TUSC3: variants seen among roughly 807,000 people sequenced by gnomAD.
The protein encoded by TUSC3 is tumor suppressor candidate 3, also known as dolichyl-diphosphooligosaccharide--protein glycosyltransferase subunit TUSC3.
Under a neutral mutation model 44.8 loss-of-function variants are expected in TUSC3, and 45 were observed. The ratio of observed to expected loss-of-function variants is 1.00; its 90% CI spans 0.79 to 1.29. The LOEUF (loss-of-function observed/expected upper bound fraction) is 1.29. Among genes scored for constraint, TUSC3 ranks in the 50% most tolerant of loss-of-function variants. The pLI is 0.00. For synonymous variants in TUSC3, 212 were observed against 152.9 expected (o/e 1.39, Z -2.85); for missense variants, 519 against 437.9 (o/e 1.19, Z -1.65).
chr8:15,641,271 G>C (rs1178711268), intron 2 of TUSC3, among the ~76,000 whole-genome samples: 1 of 148,872 alleles, frequency 6.7e-6, no homozygotes, highest in Non-Finnish European at 1.5e-5. Context: ...TGAGGCAGGA[G>C]AATCACTTGA....
the TUSC3 span, among the ~76,000 whole-genome samples, chr8:15,844,984 T>TA: frequency 6.6e-6 from 1 of 152,076 alleles, no homozygotes. Flanking sequence ...TAAGAAAACT[T>TA]AAAAAAATAC....
chr8:15,538,347 T>C (rs1801558426), upstream of TUSC3, among the ~76,000 whole-genome samples: 1 of 152,220 alleles, frequency 6.6e-6, no homozygotes, highest in African/African-American at 2.4e-5. Flanking sequence ...AGGTGTAAAG[T>C]TTATTTTGTC....
chr8:15,538,729 T>G (rs938494499), upstream of TUSC3, among the ~76,000 whole-genome samples: 1 of 152,210 alleles, frequency 6.6e-6, no homozygotes, highest in Admixed American at 6.5e-5. Flanking sequence ...CACAGTAGTA[T>G]TATCAGTACC....
At chr8:15,821,359 ATTT>A in the TUSC3 span, among the ~76,000 whole-genome samples, 15,139 of 131,262 alleles carry the variant, frequency 0.12, 916 homozygotes, top group East Asian at 0.26. Context: ...GTATCTAGGC[ATTT>A]TTTTTTTTTT....
intron 6 of TUSC3, among the ~76,000 whole-genome samples, chr8:15,683,662 C>T (rs923979808): frequency 6.6e-6 from 1 of 152,062 alleles, no homozygotes; most frequent in South Asian, 2.1e-4. Flanking sequence ...TGGTTAGGAT[C>T]GATTGTTAGG....
chr8:15,562,146 G>A (rs565082626), intron 1 of TUSC3, among the ~76,000 whole-genome samples: 58 of 152,178 alleles, frequency 3.8e-4, no homozygotes, highest in Non-Finnish European at 6.6e-4. Context: ...AGAACTTCCC[G>A]GCATTTTCTT....
the TUSC3 span, among the ~76,000 whole-genome samples, chr8:15,822,617 T>C: frequency 6.6e-6 from 1 of 152,130 alleles, no homozygotes; most frequent in African/African-American, 2.4e-5. Context: ...AGAGAAGGCT[T>C]CCAAGGATTG....
intron 6 of TUSC3, among the ~76,000 whole-genome samples, chr8:15,696,956 A>G (rs376314370): frequency 4.8e-4 from 73 of 152,216 alleles, no homozygotes; most frequent in African/African-American, 1.7e-3. Flanking sequence ...TTAAATTACC[A>G]TTTCATTCTT....
At chr8:15,648,108 T>C (rs1806710959) in intron 2 of TUSC3, among the ~76,000 whole-genome samples, 1 of 152,188 alleles carries the variant, frequency 6.6e-6, no homozygotes, top group Non-Finnish European at 1.5e-5. Context: ...CTGTGATGCC[T>C]GTTTGAAAAA....
At chr8:15,558,831 T>A (rs1356600099) in intron 1 of TUSC3, among the ~76,000 whole-genome samples, 2 of 149,442 alleles carry the variant, frequency 1.3e-5, no homozygotes, top group African/African-American at 4.9e-5. Flanking sequence ...TAGTTTGTAT[T>A]TCTGTGGGAT....
At chr8:15,624,203 GTTTA>G (rs747509495) in intron 2 of TUSC3, among the ~76,000 whole-genome samples, 1 of 152,042 alleles carries the variant, frequency 6.6e-6, no homozygotes, top group Non-Finnish European at 1.5e-5. Flanking sequence ...ATGTACTGCT[GTTTA>G]TTTAACCATT....
At chr8:15,830,193 C>T in the TUSC3 span, among the ~76,000 whole-genome samples, 1 of 151,854 alleles carries the variant, frequency 6.6e-6, no homozygotes, top group African/African-American at 2.4e-5. Flanking sequence ...CTGGATATTA[C>T]TCCTTTGTTA....
chr8:15,597,403 T>C (rs1446787421), intron 1 of TUSC3, among the ~76,000 whole-genome samples: 1 of 152,132 alleles, frequency 6.6e-6, no homozygotes. Flanking sequence ...TAAATATTAG[T>C]TGCTAGTATA....
intron 2 of TUSC3, among the ~76,000 whole-genome samples, chr8:15,498,004 C>A (rs13252990): frequency 0.25 from 37,784 of 151,962 alleles, 5,079 homozygotes; most frequent in Non-Finnish European, 0.31. Flanking sequence ...CCCCCTTCGG[C>A]CTTCCAAAGT....
the TUSC3 span, among the ~76,000 whole-genome samples, chr8:15,848,901 G>A: frequency 2.6e-5 from 4 of 152,070 alleles, no homozygotes; most frequent in Admixed American, 1.3e-4. Context: ...GTGCTTAATC[G>A]CATAAACTAC....
intron 1 of TUSC3, 58 bp downstream of exon 1, chr8:15,540,626 G>T (rs1471210928): frequency 2.7e-6 from 4 of 1,478,556 alleles, no homozygotes; most frequent in Non-Finnish European, 3.6e-6. Context: ...GGTGGGCCGC[G>T]TTGCCAGGCA....
chr8:15,706,388 G>T (rs777864110), intron 6 of TUSC3, among the ~76,000 whole-genome samples: 14 of 152,126 alleles, frequency 9.2e-5, no homozygotes, highest in Non-Finnish European at 1.8e-4. Flanking sequence ...ATGAAAGAAA[G>T]ATTTCTCATA....
chr8:15,594,167 T>C (rs944889417), intron 1 of TUSC3, among the ~76,000 whole-genome samples: 40 of 152,242 alleles, frequency 2.6e-4, no homozygotes, highest in African/African-American at 9.6e-4. Flanking sequence ...TTTTTTATTT[T>C]AGATTCTTTT....
chr8:15,674,245 A>C (rs1487940996), intron 6 of TUSC3, among the ~76,000 whole-genome samples: 1 of 152,006 alleles, frequency 6.6e-6, no homozygotes, highest in Non-Finnish European at 1.5e-5. Context: ...CCGGGTGGTC[A>C]TTGTATTAGA....
Sources: gnomAD v4.1 joint callset for allele counts (sites outside exome capture counted in the v4.1 genomes callset) on GRCh38, gnomAD v4.1.1 for gene constraint, MANE v1.5 for transcripts, NCBI Gene and HGNC (gene_info 2026-07-23, HGNC 2026-07-21) for gene names.